Variants in GALNT18 observed in about 807,000 individuals in gnomAD.
GALNT18 encodes GalNAc-transferase 18.
GALNT18 carries 44 observed loss-of-function variants against 69.5 expected under a neutral mutation model. That is an observed-to-expected ratio of 0.63 (90% CI 0.50 to 0.81). The LOEUF (loss-of-function observed/expected upper bound fraction) is 0.81. Ranked by LOEUF, GALNT18 falls within the 40% of genes least tolerant of loss-of-function variation. The pLI is 0.00. For synonymous variants in GALNT18, 364 were observed against 318.2 expected (o/e 1.14, Z -1.53); for missense variants, 715 against 810.0 (o/e 0.88, Z 1.42).
chr11:11,360,866 G>C (rs923231278), intron 6 of GALNT18, among the ~76,000 whole-genome samples: 5 of 151,896 alleles, frequency 3.3e-5, no homozygotes, highest in East Asian at 1.9e-4. Flanking sequence ...TGCATTTTTT[G>C]ATTTGTAAAT....
rs1431523589 is a variant in GALNT18, at chr11:11,460,500, G to A, written c.236-11564C>T. 6.6e-5 allele frequency among the ~76,000 whole-genome samples: 10 copies of A among 152,190 alleles called. No individual in the cohort carries two copies. In the East Asian group the frequency reaches 9.6e-4, roughly 15 times the overall value. On this transcript the variant is annotated intron_variant, in intron 1 of 10. Coordinates refer to ENST00000227756, the MANE Select transcript of GALNT18 (RefSeq NM_198516.3). Reference sequence around the variant, plus strand: ...CATCCAAGTTCTCCAAAGGTGCAGCGCACCTGAGGGCTGCAGGTGGCCATG... The same window carrying A: ...CATCCAAGTTCTCCAAAGGTGCAGCACACCTGAGGGCTGCAGGTGGCCATG...
At chr11:11,545,957 C>T (rs2133962291) in intron 1 of GALNT18, among the ~76,000 whole-genome samples, 1 of 152,314 alleles carries the variant, frequency 6.6e-6, no homozygotes, top group South Asian at 2.1e-4. Context: ...GAGCACATCA[C>T]AGCACACCAG....
At chr11:11,373,794 C>T (rs1377511546) in intron 5 of GALNT18, among the ~76,000 whole-genome samples, 2 of 152,224 alleles carry the variant, frequency 1.3e-5, no homozygotes, top group Admixed American at 1.3e-4. Context: ...CTGCTGAGAG[C>T]CCTGCTTATG....
chr11:11,594,848 T>TATATAC (rs1488821833), intron 1 of GALNT18, among the ~76,000 whole-genome samples: 2,093 of 114,044 alleles, frequency 0.018, 28 homozygotes, highest in East Asian at 0.041. Context: ...TATACACATA[T>TATATAC]ACATACATAC....
rs955486831 is a variant in GALNT18 at position 11,383,437 on chromosome 11, G to T, written c.596-4173C>A. Among the ~76,000 whole-genome samples, 1 of 152,206 alleles carries T rather than the reference G, an allele frequency of 6.6e-6. No individual in the cohort carries two copies. Among genetic ancestry groups the T allele is most frequent in the Admixed American group, 6.5e-5 (1 of 15,284 alleles). On this transcript the variant is annotated intron_variant, in intron 3 of 10. Coordinates refer to ENST00000227756, the MANE Select transcript of GALNT18 (RefSeq NM_198516.3). This position sits in a 1 kb window ranked among gnomAD's most constrained non-coding sequence, Gnocchi z 5.2. ...ATAAAGGAAACTAAAGGATCTGAAA[G>T]TTGATGCCTAATGGGGCTTTGCTCT...
chr11:11,319,638 G>A (rs1489719960), intron 9 of GALNT18, among the ~76,000 whole-genome samples: 2 of 152,178 alleles, frequency 1.3e-5, no homozygotes, highest in Admixed American at 6.5e-5. Flanking sequence ...GAGCCTACAT[G>A]GTATAAAAAT....
chr11:11,308,823 T>C (rs1371712763), intron 9 of GALNT18, among the ~76,000 whole-genome samples: 1 of 152,184 alleles, frequency 6.6e-6, no homozygotes, highest in African/African-American at 2.4e-5. Context: ...TTCCTCTACA[T>C]CACACTGGGC....
At chr11:11,349,310 C>G (rs1850357347) in intron 6 of GALNT18, among the ~76,000 whole-genome samples, 1 of 152,158 alleles carries the variant, frequency 6.6e-6, no homozygotes, top group South Asian at 2.1e-4. Flanking sequence ...ATGTATTTAT[C>G]TCACTGAAAT....
intron 10 of GALNT18, among the ~76,000 whole-genome samples, chr11:11,283,666 T>G (rs1362215888): frequency 6.6e-6 from 1 of 152,198 alleles, no homozygotes; most frequent in East Asian, 1.9e-4. Flanking sequence ...CCCCTCCCTC[T>G]GTGGAGGGCA....
Position 11,340,778 on chromosome 11 carries a change from C to T in GALNT18, c.1278+41G>A. On this transcript the variant is annotated intron_variant, in intron 7 of 10. Transcript: ENST00000227756. This position sits in a 1 kb window ranked among gnomAD's most constrained non-coding sequence, Gnocchi z 4.2. The stretch of plus-strand genomic sequence containing the variant: ...CCCATATCTTGTTTTGTTTGTTTTC[C>T]ACCAATCCCCGAGAAACTCATCCCT... The T allele has an allele frequency of 1.3e-6, 2 of 1,546,716 alleles. No homozygotes were observed. The highest frequency in any genetic ancestry group is 2.4e-5 in the South Asian group (2 of 81,900).
intron 5 of GALNT18, among the ~76,000 whole-genome samples, chr11:11,375,204 A>C (rs1056339554): frequency 5.3e-5 from 8 of 152,236 alleles, no homozygotes; most frequent in African/African-American, 1.9e-4. Flanking sequence ...GGCAAGATAC[A>C]TTTGTATAAA....
intron 1 of GALNT18, among the ~76,000 whole-genome samples, chr11:11,491,643 C>T (rs1856771936): frequency 6.6e-6 from 1 of 152,210 alleles, no homozygotes; most frequent in Non-Finnish European, 1.5e-5. Flanking sequence ...AAAGCACTTG[C>T]CAGGCATTTT....
At chr11:11,553,687 C>T (rs956248693) in intron 1 of GALNT18, among the ~76,000 whole-genome samples, 3 of 151,958 alleles carry the variant, frequency 2.0e-5, no homozygotes, top group Non-Finnish European at 4.4e-5. Context: ...AGCTCCCCCC[C>T]AGCACCCCCA....
At chr11:11,559,172 G>A (rs1402974087) in intron 1 of GALNT18, among the ~76,000 whole-genome samples, 3 of 152,216 alleles carry the variant, frequency 2.0e-5, no homozygotes, top group East Asian at 1.9e-4. Context: ...CCAGTATGGA[G>A]ATTTGCTGTT....
At chr11:11,350,857 C>T (rs1278249494) in intron 6 of GALNT18, among the ~76,000 whole-genome samples, 5 of 152,186 alleles carry the variant, frequency 3.3e-5, no homozygotes, top group African/African-American at 9.7e-5. Context: ...AAAAGCTGCA[C>T]AGGAGAGCCT....
At chr11:11,296,044 G>A (rs780116759) in intron 9 of GALNT18, among the ~76,000 whole-genome samples, 2 of 152,106 alleles carry the variant, frequency 1.3e-5, no homozygotes, top group Non-Finnish European at 2.9e-5. Context: ...TTGGCAACTG[G>A]TAGGATGGAG....
rs929278476 is a variant in GALNT18, at chr11:11,436,890, G to A, written c.429-4103C>T. Among the ~76,000 whole-genome samples the A allele has an allele frequency of 6.6e-6, 1 of 152,194 alleles. No individual in the cohort carries two copies. Among genetic ancestry groups the A allele is most frequent in the African/African-American group, 2.4e-5 (1 of 41,446 alleles). On this transcript the variant is annotated intron_variant, in intron 2 of 10. Transcript: ENST00000227756. This position sits in a 1 kb window ranked among gnomAD's most constrained non-coding sequence, Gnocchi z 4.5. ...CTCTGGACCCAAGCCCAGAGCTTTT[G>A]CTGCAGAGTCCAGCCACTTTCTCGG...
At position 11,379,210 on chromosome 11, in the gene GALNT18, G is replaced by A; in HGVS notation, c.650C>T (p.Pro217Leu). The A allele has an allele frequency of 4.3e-6, 7 of 1,613,138 alleles. No homozygotes were observed. The highest frequency in any genetic ancestry group is 5.9e-6 in the Non-Finnish European group (7 of 1,180,014). ...GTGACGCACGACTTTGATGAAGCCT[G>A]GCTTCTGGCTGTTCACCTTGTCCAC... ...EYVDKVNSQKPGFIKVVRHSK... is the reference protein window; with the variant it reads ...EYVDKVNSQKLGFIKVVRHSK... Residue 217 changes from proline (P) to leucine (L), a missense_variant, in exon 4 of 11, where the codon CCA becomes CTA. Pro to Leu is a moderately conservative substitution (Grantham distance 98). Transcript: ENST00000227756.
chr11:11,437,891 G>T (rs556951472), intron 2 of GALNT18, among the ~76,000 whole-genome samples: 9 of 152,264 alleles, frequency 5.9e-5, no homozygotes, highest in African/African-American at 2.2e-4. Context: ...TGGAGGTGGG[G>T]CCCACCTGAC....
Sources: gnomAD v4.1 joint callset for allele counts (sites outside exome capture counted in the v4.1 genomes callset) on GRCh38, gnomAD v4.1.1 for gene constraint, Gnocchi (gnomAD v3.1) non-coding constraint, MANE v1.5 for transcripts, NCBI Gene and HGNC (gene_info 2026-07-23, HGNC 2026-07-21) for gene names.